RARB: variants seen among roughly 807,000 people sequenced by gnomAD.
The protein encoded by RARB is HBV-activated protein.
Under a neutral mutation model 51.9 loss-of-function variants are expected in RARB, and 17 were observed. The ratio of observed to expected loss-of-function variants is 0.33; its 90% CI spans 0.22 to 0.49. The LOEUF (loss-of-function observed/expected upper bound fraction) is 0.49. RARB is among the 20% of genes least tolerant of loss of function. RARB has a pLI of 0.99. For synonymous variants in RARB, 215 were observed against 195.4 expected (o/e 1.10, Z -0.84); for missense variants, 369 against 550.8 (o/e 0.67, Z 3.30).
intron 2 of RARB, among the ~76,000 whole-genome samples, chr3:25,039,965 G>C (rs7613682): frequency 0.01 from 1,562 of 152,298 alleles, 22 homozygotes; most frequent in African/African-American, 0.036. Flanking sequence ...TCAGAAGAGA[G>C]TTTTACTTAG....
At chr3:25,184,964 G>A (rs759944353) in intron 5 of RARB, among the ~76,000 whole-genome samples, 6 of 151,964 alleles carry the variant, frequency 3.9e-5, no homozygotes, top group Admixed American at 1.3e-4. Flanking sequence ...CATGCTTTGC[G>A]GCCACAATTC....
At chr3:25,180,432 G>C (rs761535994) in intron 5 of RARB, among the ~76,000 whole-genome samples, 29 of 152,266 alleles carry the variant, frequency 1.9e-4, no homozygotes, top group South Asian at 6.2e-4. Context: ...TAGAAAATGA[G>C]ACTTTCCATA....
chr3:25,299,951 A>G (rs1704001915), intron 5 of RARB, among the ~76,000 whole-genome samples: 1 of 152,272 alleles, frequency 6.6e-6, no homozygotes. Flanking sequence ...ATTGCCAGGC[A>G]GTATAATTAC....
intron 2 of RARB, among the ~76,000 whole-genome samples, chr3:24,944,802 T>TA (rs1318719800): frequency 6.6e-6 from 1 of 152,226 alleles, no homozygotes; most frequent in Non-Finnish European, 1.5e-5. Flanking sequence ...TGGTGTTTAC[T>TA]ATGATGTTAG....
At chr3:25,269,689 CACTT>C (rs1417274573) in intron 5 of RARB, among the ~76,000 whole-genome samples, 1 of 152,164 alleles carries the variant, frequency 6.6e-6, no homozygotes, top group Non-Finnish European at 1.5e-5. Context: ...ATAGTAAACT[CACTT>C]AACAGCTAAT....
At chr3:25,130,134 A>AG (rs201829430) in intron 3 of RARB, among the ~76,000 whole-genome samples, 407 of 151,900 alleles carry the variant, frequency 2.7e-3, no homozygotes, top group African/African-American at 9.0e-3. Context: ...GGAACATGAC[A>AG]GGCCTCTTTT....
In RARB at chr3:25,274,130, G is replaced by C. The variant is rs142467503; in HGVS notation, c.178+99555G>C. On this transcript the variant is annotated intron_variant, in intron 5 of 11. Coordinates refer to the RARB transcript ENST00000383772. ...CTTTTGATCACCACATTAAGAAAAA[G>C]TAAAAAGAAACCAGTGAAATTAATT... Among the ~76,000 whole-genome samples, 301 of 152,242 alleles carry C rather than the reference G, an allele frequency of 2.0e-3. 2 individuals carry two copies. The highest frequency in any genetic ancestry group is 6.9e-3 in the African/African-American group (287 of 41,548).
intron 1 of RARB, among the ~76,000 whole-genome samples, chr3:25,453,549 C>G (rs1440318429): frequency 1.3e-5 from 2 of 152,116 alleles, no homozygotes; most frequent in Non-Finnish European, 2.9e-5. Context: ...GGCCAAGATT[C>G]TGCATTTTAA....
At chr3:25,269,284 A>C (rs1224368443) in intron 5 of RARB, among the ~76,000 whole-genome samples, 2 of 152,222 alleles carry the variant, frequency 1.3e-5, no homozygotes, top group Non-Finnish European at 2.9e-5. Flanking sequence ...ATGAAAGATC[A>C]TGAGCAATAA....
At chr3:25,024,513 A>T (rs1248503954) in intron 2 of RARB, among the ~76,000 whole-genome samples, 1 of 152,172 alleles carries the variant, frequency 6.6e-6, no homozygotes, top group Non-Finnish European at 1.5e-5. Context: ...ATCAATTTCT[A>T]TTTATCTTCT....
chr3:25,190,310 C>A (rs149542809), intron 5 of RARB, among the ~76,000 whole-genome samples: 501 of 152,146 alleles, frequency 3.3e-3, no homozygotes, highest in Non-Finnish European at 4.9e-3. Context: ...CAGGCAGATA[C>A]ACGCAACAAA....
intron 4 of RARB, among the ~76,000 whole-genome samples, chr3:25,140,077 G>A (rs1453344932): frequency 1.4e-5 from 2 of 142,980 alleles, no homozygotes; most frequent in Non-Finnish European, 3.2e-5. Flanking sequence ...AGATATACAA[G>A]GACATGGTTT....
chr3:25,313,060 T>TAA, intron 5 of RARB, among the ~76,000 whole-genome samples: 1 of 152,358 alleles, frequency 6.6e-6, no homozygotes, highest in East Asian at 1.9e-4. Flanking sequence ...ACTTTCCATG[T>TAA]TAAGGCTTCC....
At chr3:25,325,158 A>G (rs1704677522) in intron 5 of RARB, among the ~76,000 whole-genome samples, 1 of 152,164 alleles carries the variant, frequency 6.6e-6, no homozygotes, top group Non-Finnish European at 1.5e-5. Context: ...CCCAGAACTG[A>G]GGATCCCTTC....
intron 5 of RARB, among the ~76,000 whole-genome samples, chr3:25,198,177 T>C (rs911928039): frequency 1.3e-5 from 2 of 151,652 alleles, no homozygotes; most frequent in Non-Finnish European, 3.0e-5. Context: ...TTTTGGAAGG[T>C]ACAATCTCGT....
intron 5 of RARB, among the ~76,000 whole-genome samples, chr3:25,204,391 A>C (rs1311906404): frequency 6.6e-6 from 1 of 151,960 alleles, no homozygotes; most frequent in Non-Finnish European, 1.5e-5. Context: ...TAGCTCGGAG[A>C]AGTTTGATTG....
intron 2 of RARB, among the ~76,000 whole-genome samples, chr3:24,973,414 T>TA (rs1460674817): frequency 6.6e-6 from 1 of 152,106 alleles, no homozygotes; most frequent in Non-Finnish European, 1.5e-5. Flanking sequence ...GCCCCCAACT[T>TA]ACTTCTTTTT....
chr3:25,562,889 A>C (rs1575521964), intron 3 of RARB, among the ~76,000 whole-genome samples: 1 of 152,208 alleles, frequency 6.6e-6, no homozygotes, highest in Non-Finnish European at 1.5e-5. Context: ...AATATGATTA[A>C]ATTTGTTTTG....
chr3:24,846,557 T>A (rs1003491232), intron 1 of RARB, among the ~76,000 whole-genome samples: 1 of 152,174 alleles, frequency 6.6e-6, no homozygotes, highest in Non-Finnish European at 1.5e-5. Flanking sequence ...AATCAAACTT[T>A]CCTATGAGGT....
Sources: gnomAD v4.1 joint callset for allele counts (sites outside exome capture counted in the v4.1 genomes callset) on GRCh38, gnomAD v4.1.1 for gene constraint, MANE v1.5 for transcripts, NCBI Gene and HGNC (gene_info 2026-07-23, HGNC 2026-07-21) for gene names.